Variants in LMBRD2 observed in about 807,000 individuals in gnomAD.
The protein encoded by LMBRD2 is G protein-coupled receptor-associated protein LMBRD2.
A neutral mutation model predicts 94.4 loss-of-function variants in LMBRD2; 55 were observed. That is an observed-to-expected ratio of 0.58 (90% confidence interval 0.47 to 0.73). The LOEUF is 0.73. Ranked by LOEUF, LMBRD2 falls within the 30% of genes least tolerant of loss-of-function variation. The pLI, the probability that LMBRD2 is intolerant of heterozygous loss-of-function variation, is 0.00. For missense variants in LMBRD2, 640 were observed against 831.9 expected (o/e 0.77, Z 2.84); for synonymous variants, 246 against 272.4 (o/e 0.90, Z 0.95).
At chr5:36,138,897 GA>G (rs1477127518) in intron 4 of LMBRD2, among the ~76,000 whole-genome samples, 8 of 152,214 alleles carry the variant, frequency 5.3e-5, no homozygotes, top group Non-Finnish European at 8.8e-5. Flanking sequence ...CATATTTTAG[GA>G]AGAAGTGATG....
At position 36,107,529 on chromosome 5, in the gene LMBRD2, T is replaced by C. The variant is rs377496206; in HGVS notation, c.1897+1005A>G. 6.9e-4 allele frequency among the ~76,000 whole-genome samples: 105 copies of C among 152,366 alleles called. 1 individual carries two copies. In the South Asian group the frequency reaches 0.022, roughly 32 times the overall value. On this transcript the variant is annotated intron_variant, in intron 16 of 17. Coordinates refer to ENST00000296603, the MANE Select transcript of LMBRD2 (RefSeq NM_001007527.2). ...CTATTAGATCATCATTGCTGATGGC[T>C]TGAATCACTCAACCTATAGTTGATC...
In LMBRD2 at chr5:36,136,529, G is replaced by A; in HGVS notation, c.537-10C>T. The A allele has an allele frequency of 1.9e-5, 31 of 1,604,224 alleles. No homozygotes were observed. The highest frequency in any genetic ancestry group is 2.6e-5 in the Non-Finnish European group (30 of 1,171,224). ...TGTCTGAAGCTGGTTCCTAAGAAAGGGAAACAACAGATAATATGTATATTT... is the reference window on the plus strand; with the variant it reads ...TGTCTGAAGCTGGTTCCTAAGAAAGAGAAACAACAGATAATATGTATATTT... On this transcript the variant is annotated splice_polypyrimidine_tract_variant and intron_variant, in intron 5 of 17. Transcript: ENST00000296603.
At chr5:36,124,290 A>G in intron 6 of LMBRD2, 25 bp from the exon 7 acceptor site, 1 of 1,328,226 alleles carries the variant, frequency 7.5e-7, no homozygotes, top group Non-Finnish European at 1.1e-6. Flanking sequence ...AAATAAATAA[A>G]AATATTTCCA....
rs540613280 is a variant in LMBRD2, at chr5:36,126,159, G to A, written c.748-1894C>T. Among the ~76,000 whole-genome samples, 152 of 152,236 alleles carry A rather than the reference G, an allele frequency of 1.0e-3. 1 individual carries two copies. The highest frequency in any genetic ancestry group is 3.5e-3 in the African/African-American group (144 of 41,532). ...GACTTGGGTTTTTAAGAGGTTACCT[G>A]GAAGCATCATTACATCTATTTTCCA... On this transcript the variant is annotated intron_variant, in intron 6 of 17. Transcript: ENST00000296603.
chr5:36,108,565 C>T lies in LMBRD2; in HGVS notation c.1866G>A (p.Glu622=), dbSNP rs1402149749. The part of the protein sequence containing the change: ...RNRNIHTDPK[E]SNFSDVNTNR... ...TGGTATTAACATCTGAGAAGTTTGA[C>T]TCTTTGGGGTCAGTATGAATATTTC... is the stretch of plus-strand genomic sequence containing the variant. The change falls in exon 16 of 18, where the codon GAG becomes GAA. Residue 622 remains glutamate (E), a synonymous_variant. Coordinates refer to ENST00000296603, the MANE Select transcript of LMBRD2 (RefSeq NM_001007527.2). 6.3e-7 allele frequency: 1 copy of T among 1,591,812 alleles called. No individual in the cohort carries two copies. The highest frequency in any genetic ancestry group is 8.6e-7 in the Non-Finnish European group (1 of 1,164,842).
In LMBRD2 at chr5:36,103,479, A is replaced by T. The variant is rs1361685040; in HGVS notation, c.*567T>A. The T allele has an allele frequency of 6.6e-6, 1 of 152,362 alleles. No individual in the cohort carries two copies. The highest frequency in any genetic ancestry group is 2.4e-5 in the African/African-American group (1 of 41,410). 9.4% of individuals were successfully genotyped at this position (152,362 alleles called of 1,614,324 possible). ...CTTATACATGCAAAAATCCCCCACG[A>T]GTTTGCAAACAGATTTGAAAAAGCA... is the stretch of plus-strand genomic sequence containing the variant. On this transcript the variant is annotated 3_prime_UTR_variant, in exon 18 of 18. Coordinates refer to ENST00000296603, the MANE Select transcript of LMBRD2 (RefSeq NM_001007527.2).
chr5:36,117,719 C>G lies in LMBRD2; in HGVS notation c.1302+16G>C. 1 of 1,545,298 alleles carries G rather than the reference C, an allele frequency of 6.5e-7. No individual in the cohort carries two copies. Among genetic ancestry groups the G allele is most frequent in the Non-Finnish European group, 8.9e-7 (1 of 1,128,724 alleles). On this transcript the variant is annotated intron_variant, in intron 10 of 17. Coordinates refer to ENST00000296603, the MANE Select transcript of LMBRD2 (RefSeq NM_001007527.2). ...TGAAGTGACATCTATTTATGACAGA[C>G]ATAAAATAAACTGACCTCGATATAA...
intron 1 of LMBRD2, among the ~76,000 whole-genome samples, chr5:36,144,118 A>C (rs1179318004): frequency 6.6e-6 from 1 of 152,124 alleles, no homozygotes; most frequent in Non-Finnish European, 1.5e-5. Flanking sequence ...CATACATTTG[A>C]AAACATTCTT....
chr5:36,118,380 T>C (rs563005394), intron 9 of LMBRD2, among the ~76,000 whole-genome samples: 4 of 152,324 alleles, frequency 2.6e-5, no homozygotes, highest in Non-Finnish European at 5.9e-5. Flanking sequence ...GGGATAATTA[T>C]AGCAAAATCT....
At chr5:36,140,991 G>C in intron 4 of LMBRD2, 116 bp downstream of exon 4, 2 of 595,384 alleles carry the variant, frequency 3.4e-6, no homozygotes, top group East Asian at 6.0e-5. Context: ...AAAAATAATG[G>C]GTAGAAAGAT....
chr5:36,113,359 C>A (rs2111854250), intron 13 of LMBRD2, among the ~76,000 whole-genome samples: 1 of 152,148 alleles, frequency 6.6e-6, no homozygotes, highest in East Asian at 1.9e-4. Context: ...TTAAAAGGGA[C>A]AGGAATTGCT....
At position 36,122,964 on chromosome 5, in the gene LMBRD2, A is replaced by T; in HGVS notation, c.823-3T>A. 5.3e-6 allele frequency: 1 copy of T among 187,064 alleles called. No homozygotes were observed. Among genetic ancestry groups the T allele is most frequent in the Non-Finnish European group, 9.6e-6 (1 of 104,054 alleles). The allele number at this position is 187,064 out of a possible 1,614,324, so 11.6% of individuals were successfully genotyped here. A position where few individuals can be genotyped will look rare whatever the true frequency, so the allele number is the denominator to read the frequency against. Reference sequence around the variant, plus strand: ...TTTTCCTGATACTCTGTAGGGCACTAAAAAAAAAAAAAAGTAGATTTTTAA... The same window carrying T: ...TTTTCCTGATACTCTGTAGGGCACTTAAAAAAAAAAAAAGTAGATTTTTAA... On this transcript the variant is annotated splice_region_variant and splice_polypyrimidine_tract_variant and intron_variant, in intron 7 of 17. Transcript: ENST00000296603.
intron 6 of LMBRD2, among the ~76,000 whole-genome samples, chr5:36,136,035 G>T (rs549244529): frequency 3.9e-5 from 6 of 152,262 alleles, no homozygotes; most frequent in African/African-American, 1.4e-4. Flanking sequence ...ATTAAAGAGG[G>T]TACTATTAAA....
At chr5:36,150,017 C>T (rs1210022917) in intron 1 of LMBRD2, among the ~76,000 whole-genome samples, 1 of 152,154 alleles carries the variant, frequency 6.6e-6, no homozygotes, top group Non-Finnish European at 1.5e-5. Flanking sequence ...ATCTCGTCTT[C>T]AATGGACACA....
chr5:36,112,533 G>C (rs1361440621), intron 13 of LMBRD2, among the ~76,000 whole-genome samples: 1 of 152,098 alleles, frequency 6.6e-6, no homozygotes, highest in African/African-American at 2.4e-5. Context: ...ATTGCTTCAG[G>C]TGTTTCTATA....
chr5:36,125,215 A>C (rs976976537), intron 6 of LMBRD2, among the ~76,000 whole-genome samples: 3 of 152,160 alleles, frequency 2.0e-5, no homozygotes, highest in Admixed American at 2.0e-4. Flanking sequence ...ATATTCATGA[A>C]ATTTTTAAGA....
At chr5:36,146,249 A>G (rs191583880) in intron 1 of LMBRD2, among the ~76,000 whole-genome samples, 367 of 152,378 alleles carry the variant, frequency 2.4e-3, no homozygotes, top group African/African-American at 8.3e-3. Context: ...AATATCTTAT[A>G]GCTTCTGTAG....
chr5:36,138,447 C>CA, intron 4 of LMBRD2, among the ~76,000 whole-genome samples: 1 of 152,152 alleles, frequency 6.6e-6, no homozygotes, highest in East Asian at 1.9e-4. Context: ...AAGAGAGATG[C>CA]AAAAAAGTTC....
intron 1 of LMBRD2, among the ~76,000 whole-genome samples, chr5:36,150,768 G>A (rs1744678817): frequency 6.6e-6 from 1 of 152,108 alleles, no homozygotes; most frequent in Non-Finnish European, 1.5e-5. Context: ...TTTCAAGAAC[G>A]AGCTAAAGGT....
Sources: allele counts gnomAD v4.1 joint callset (sites outside exome capture counted in the v4.1 genomes callset), GRCh38; gene constraint gnomAD v4.1.1; transcripts MANE v1.5; gene names NCBI Gene and HGNC (gene_info 2026-07-23, HGNC 2026-07-21).